FHIT: variants seen among roughly 807,000 people sequenced by gnomAD.
FHIT encodes the protein fragile histidine triad diadenosine triphosphatase.
In FHIT, 19 loss-of-function variants were observed where a neutral mutation model predicts 17.9. That is an observed-to-expected ratio of 1.06 (90% CI 0.74 to 1.56). The LOEUF is 1.56. FHIT is among the 40% of genes most tolerant of loss of function. The pLI is 0.00. For missense variants in FHIT, 248 were observed against 189.2 expected, an observed-to-expected ratio of 1.31 and a Z score of -1.82; for synonymous variants, 81 against 69.7, an observed-to-expected ratio of 1.16 and a Z score of -0.81.
At chr3:60,209,356 G>C (rs1703345452) in intron 5 of FHIT, among the ~76,000 whole-genome samples, 2 of 152,172 alleles carry the variant, frequency 1.3e-5, no homozygotes, top group African/African-American at 2.4e-5. Flanking sequence ...ATGATGACAT[G>C]ATGACATGAT....
At chr3:60,949,929 A>G (rs1553776763) in intron 3 of FHIT, among the ~76,000 whole-genome samples, 1 of 152,248 alleles carries the variant, frequency 6.6e-6, no homozygotes, top group East Asian at 1.9e-4. Context: ...TGGTATAGCC[A>G]TAAAGTGGAA....
chr3:60,202,161 G>T (rs1407966731), intron 5 of FHIT, among the ~76,000 whole-genome samples: 1 of 152,198 alleles, frequency 6.6e-6, no homozygotes, highest in Non-Finnish European at 1.5e-5. Flanking sequence ...TGGAATTTTA[G>T]TCAAGACTTC....
intron 5 of FHIT, among the ~76,000 whole-genome samples, chr3:60,109,890 A>G (rs1447860656): frequency 6.6e-6 from 1 of 152,172 alleles, no homozygotes; most frequent in Non-Finnish European, 1.5e-5. Context: ...TACTTCCCCA[A>G]ATCACTTTTC....
intron 3 of FHIT, among the ~76,000 whole-genome samples, chr3:61,041,258 T>A (rs541037850): frequency 1.1e-4 from 17 of 152,020 alleles, no homozygotes; most frequent in South Asian, 6.3e-4. Flanking sequence ...ACGCCTCTAG[T>A]CCCAGCTACT....
chr3:59,868,057 A>AACC (rs1702738719), intron 8 of FHIT, among the ~76,000 whole-genome samples: 1 of 147,580 alleles, frequency 6.8e-6, no homozygotes, highest in African/African-American at 2.7e-5. Context: ...TAAAAAAAAA[A>AACC]AAAAAAAAAC....
chr3:60,847,236 A>C (rs573900513), intron 3 of FHIT, among the ~76,000 whole-genome samples: 11 of 152,146 alleles, frequency 7.2e-5, no homozygotes, highest in Non-Finnish European at 1.6e-4. Context: ...CCACAAACAC[A>C]TTGCTCTTTA....
intron 4 of FHIT, among the ~76,000 whole-genome samples, chr3:60,779,526 T>G (rs2108091820): frequency 6.6e-6 from 1 of 152,272 alleles, no homozygotes; most frequent in African/African-American, 2.4e-5. Flanking sequence ...AAGCCAAGCA[T>G]CACGTATCCA....
intron 5 of FHIT, among the ~76,000 whole-genome samples, chr3:60,484,133 C>A (rs940519361): frequency 1.3e-5 from 2 of 152,048 alleles, no homozygotes; most frequent in Non-Finnish European, 2.9e-5. Flanking sequence ...ATGTGAAGGA[C>A]CTCTTCAAGG....
intron 2 of FHIT, among the ~76,000 whole-genome samples, chr3:61,131,615 C>T (rs1471202998): frequency 6.6e-6 from 1 of 152,226 alleles, no homozygotes; most frequent in Non-Finnish European, 1.5e-5. Flanking sequence ...GAGTAGTGGC[C>T]CACTCTTGGC....
chr3:61,240,920 A>G (rs1467255237), intron 1 of FHIT, among the ~76,000 whole-genome samples: 1 of 152,188 alleles, frequency 6.6e-6, no homozygotes, highest in Non-Finnish European at 1.5e-5. Context: ...CTACTCATCT[A>G]TGTAAGGCGT....
chr3:60,969,594 A>G (rs1709909281), intron 3 of FHIT, among the ~76,000 whole-genome samples: 1 of 152,168 alleles, frequency 6.6e-6, no homozygotes. Flanking sequence ...TCTTTGAAAC[A>G]TAGGGAAGAA....
intron 5 of FHIT, among the ~76,000 whole-genome samples, chr3:60,496,826 T>C (rs984013237): frequency 2.5e-4 from 38 of 152,176 alleles, no homozygotes; most frequent in African/African-American, 8.0e-4. Flanking sequence ...CATTTATTCA[T>C]GTAGCTGTAT....
intron 5 of FHIT, among the ~76,000 whole-genome samples, chr3:60,354,919 G>A (rs1027867572): frequency 2.6e-5 from 4 of 152,080 alleles, no homozygotes; most frequent in South Asian, 2.1e-4. Flanking sequence ...TTTTCACTCC[G>A]GGAGTCTGTG....
In FHIT at chr3:60,055,752, A is replaced by C. The variant is rs901036464; in HGVS notation, c.104-41600T>G. The stretch of plus-strand genomic sequence containing the variant: ...GCAAACTTTAGCTCAGAGAGGTTAA[A>C]TGACTTGCCAACAGTCACACAACTA... On this transcript the variant is annotated intron_variant, in intron 5 of 9. Coordinates refer to ENST00000492590, the MANE Select transcript of FHIT (RefSeq NM_002012.4). 2.0e-5 allele frequency among the ~76,000 whole-genome samples: 3 copies of C among 152,188 alleles called. No individual in the cohort carries two copies. The East Asian group carries it at 5.8e-4, about 29-fold the overall frequency.
intron 5 of FHIT, among the ~76,000 whole-genome samples, chr3:60,443,368 C>G (rs1482858054): frequency 6.6e-6 from 1 of 152,132 alleles, no homozygotes; most frequent in African/African-American, 2.4e-5. Flanking sequence ...AAAGGGAATG[C>G]TTCCAGTTTT....
At chr3:59,861,866 GA>G (rs369230614) in intron 8 of FHIT, among the ~76,000 whole-genome samples, 2,599 of 150,512 alleles carry the variant, frequency 0.017, 63 homozygotes, top group African/African-American at 0.049. Flanking sequence ...TATTCAGAAG[GA>G]AAAAAAAATA....
chr3:60,869,902 C>T (rs915451598), intron 3 of FHIT, among the ~76,000 whole-genome samples: 1 of 152,088 alleles, frequency 6.6e-6, no homozygotes, highest in Non-Finnish European at 1.5e-5. Flanking sequence ...CTCTTTTTCT[C>T]GGTTCCCAAG....
chr3:59,800,409 A>G (rs1032132716), intron 8 of FHIT, among the ~76,000 whole-genome samples: 6 of 152,238 alleles, frequency 3.9e-5, no homozygotes, highest in South Asian at 2.1e-4. Context: ...GGTAAAAAGA[A>G]GCTATTGCAA....
At chr3:59,761,177 C>T (rs1361860710) in intron 8 of FHIT, among the ~76,000 whole-genome samples, 1 of 152,152 alleles carries the variant, frequency 6.6e-6, no homozygotes, top group East Asian at 1.9e-4. Context: ...GTGGCAAGAG[C>T]CTGACTCCCA....
Sources: gnomAD v4.1 joint callset for allele counts (sites outside exome capture counted in the v4.1 genomes callset) on GRCh38, gnomAD v4.1.1 for gene constraint, MANE v1.5 for transcripts, NCBI Gene and HGNC (gene_info 2026-07-23, HGNC 2026-07-21) for gene names.